The following GTF3C2 variants were observed in gnomAD, a reference collection of about 807,000 sequenced individuals.
GTF3C2 encodes the protein general transcription factor IIIC subunit 2.
In GTF3C2, 17 loss-of-function variants were observed where a neutral mutation model predicts 117.4. The ratio of observed to expected loss-of-function variants is 0.14; its 90% CI spans 0.10 to 0.22. The LOEUF (loss-of-function observed/expected upper bound fraction) is 0.22. Among genes scored for constraint, GTF3C2 ranks in the 10% least tolerant of loss-of-function variants. GTF3C2 has a pLI of 1.00. For synonymous variants in GTF3C2, 437 were observed against 427.0 expected, an observed-to-expected ratio of 1.02 and a Z score of -0.29; for missense variants, 888 against 1,143.6, an observed-to-expected ratio of 0.78 and a Z score of 3.22.
In GTF3C2 at chr2:27,329,129, G is replaced by A; in HGVS notation, c.2031C>T (p.Cys677=). 6.2e-7 allele frequency: 1 copy of A among 1,614,066 alleles called. No homozygotes were observed. Among genetic ancestry groups the A allele is most frequent in the Admixed American group, 1.7e-5 (1 of 60,018 alleles). The change falls in exon 14 of 19, where the codon TGC becomes TGT. Residue 677 remains cysteine (C), a synonymous_variant. Transcript: ENST00000264720. This position sits in a 1 kb window ranked among gnomAD's most constrained non-coding sequence, Gnocchi z 4.5. ...TCTCCATCTTGCCGTACGAGGCATA[G>A]CAGTTGTCCTGAGCCACAGTGACAC...
chr2:27,344,048 G>A (rs1407869541), intron 1 of GTF3C2, among the ~76,000 whole-genome samples: 1 of 150,162 alleles, frequency 6.7e-6, no homozygotes, highest in Non-Finnish European at 1.5e-5. Flanking sequence ...TTTAAAGACG[G>A]AGTTTCACTC....
chr2:27,326,890 G>A (rs755871058), exon 19 of GTF3C2: 14 of 1,601,338 alleles, frequency 8.7e-6, no homozygotes, highest in South Asian at 5.5e-5. Context: ...GGGCTGAAAC[G>A]TACCTGTGAA....
intron 1 of GTF3C2, among the ~76,000 whole-genome samples, chr2:27,348,632 C>G (rs1185143928): frequency 6.6e-6 from 1 of 151,370 alleles, no homozygotes; most frequent in African/African-American, 2.4e-5. Flanking sequence ...AGCGAAACCC[C>G]ATCTCTAGTA....
At chr2:27,338,010 G>A (rs1680560049) in exon 5 of GTF3C2, 3 of 1,607,350 alleles carry the variant, frequency 1.9e-6, no homozygotes, top group African/African-American at 1.3e-5. Flanking sequence ...TCGGCAGTGT[G>A]GTTTCTGTTT....
chr2:27,331,917 TGACA>T (rs1680284231), intron 12 of GTF3C2, among the ~76,000 whole-genome samples: 1 of 152,066 alleles, frequency 6.6e-6, no homozygotes, highest in Non-Finnish European at 1.5e-5. Flanking sequence ...CCAGCCTGGG[TGACA>T]GAGTGAGACC....
intron 4 of GTF3C2, chr2:27,339,673 A>G (rs1184254590): frequency 6.6e-6 from 1 of 151,938 alleles, no homozygotes; most frequent in African/African-American, 2.4e-5. Flanking sequence ...GCCCATGGGC[A>G]CCTCAAACTC....
exon 4 of GTF3C2, chr2:27,342,053 G>C: frequency 6.2e-7 from 1 of 1,614,028 alleles, no homozygotes; most frequent in Non-Finnish European, 8.5e-7. Flanking sequence ...CCTCAACCTG[G>C]AGAAAAAAGT....
chr2:27,326,477 G>GC (rs1190748974), exon 19 of GTF3C2: 6 of 600,394 alleles, frequency 1.0e-5, no homozygotes, highest in Admixed American at 9.0e-5. Context: ...TGGAGGGAGA[G>GC]CCCCCCTGCC....
intron 1 of GTF3C2, among the ~76,000 whole-genome samples, chr2:27,353,936 C>T (rs1425259796): frequency 6.6e-6 from 1 of 151,478 alleles, no homozygotes; most frequent in Non-Finnish European, 1.5e-5. Flanking sequence ...CTTACTCAGA[C>T]TGGTCTCAAA....
chr2:27,355,841 G>A (rs931334708), intron 1 of GTF3C2, among the ~76,000 whole-genome samples: 1 of 152,144 alleles, frequency 6.6e-6, no homozygotes, highest in African/African-American at 2.4e-5. Flanking sequence ...GTACGAAAAC[G>A]AACATTTTAA....
intron 1 of GTF3C2, among the ~76,000 whole-genome samples, chr2:27,353,801 C>T (rs922429700): frequency 1.2e-4 from 18 of 152,132 alleles, no homozygotes; most frequent in Admixed American, 1.2e-3. Context: ...TGGCTCACTG[C>T]ACCTTGACCT....
chr2:27,330,094 T>G (rs1380049604), intron 12 of GTF3C2, among the ~76,000 whole-genome samples: 1 of 149,762 alleles, frequency 6.7e-6, no homozygotes, highest in Non-Finnish European at 1.5e-5. Context: ...TGCAGTGAGA[T>G]TGTGCCACTG....
At chr2:27,328,223 T>TA in intron 16 of GTF3C2, 34 bp from the exon 17 acceptor site, 1 of 1,494,684 alleles carries the variant, frequency 6.7e-7, no homozygotes, top group South Asian at 1.2e-5. Context: ...GGTTCTATAA[T>TA]ACTCAAGACA....
chr2:27,346,859 T>TA (rs1680934927), intron 1 of GTF3C2, among the ~76,000 whole-genome samples: 1 of 151,858 alleles, frequency 6.6e-6, no homozygotes. Flanking sequence ...TACGCCCAGA[T>TA]ACGTTTTTAA....
chr2:27,333,751 T>G (rs375837098), exon 12 of GTF3C2: 6 of 1,606,060 alleles, frequency 3.7e-6, no homozygotes, highest in Non-Finnish European at 5.1e-6. Flanking sequence ...GTAGCTTGCA[T>G]AGACCCCACC....
chr2:27,336,425 T>C, exon 8 of GTF3C2: 1 of 1,574,222 alleles, frequency 6.4e-7, no homozygotes, highest in Non-Finnish European at 8.7e-7. Flanking sequence ...TCGAGCTAAA[T>C]CTAGAGAAAA....
At chr2:27,328,552 A>G in exon 16 of GTF3C2, 1 of 1,609,676 alleles carries the variant, frequency 6.2e-7, no homozygotes, top group Non-Finnish European at 8.5e-7. Context: ...CCCCGGATAT[A>G]TCTCCTGCAG....
chr2:27,334,388 TTCC>T (rs1222038330), intron 10 of GTF3C2, among the ~76,000 whole-genome samples: 63 of 152,302 alleles, frequency 4.1e-4, no homozygotes, highest in African/African-American at 1.3e-3. Context: ...GATAGTATCC[TTCC>T]TCCTATCAGA....
At chr2:27,354,510 C>T (rs1247712726) in intron 1 of GTF3C2, among the ~76,000 whole-genome samples, 1 of 152,186 alleles carries the variant, frequency 6.6e-6, no homozygotes, top group African/African-American at 2.4e-5. Flanking sequence ...CCTGTAATCC[C>T]AGCACTTTGG....
Sources: gnomAD v4.1 joint callset for allele counts (sites outside exome capture counted in the v4.1 genomes callset) on GRCh38, gnomAD v4.1.1 for gene constraint, Gnocchi (gnomAD v3.1) non-coding constraint, MANE v1.5 for transcripts, NCBI Gene and HGNC (gene_info 2026-07-23, HGNC 2026-07-21) for gene names.